The following WWC1 variants were observed in gnomAD, a reference collection of about 807,000 sequenced individuals.
WWC1 encodes the protein protein KIBRA.
WWC1 carries 55 observed loss-of-function variants against 138.4 expected under a neutral mutation model. That is an observed-to-expected ratio of 0.40 (90% CI 0.32 to 0.50). The LOEUF (loss-of-function observed/expected upper bound fraction) is 0.50. WWC1 is among the 20% of genes least tolerant of loss of function. The pLI is 0.72. For missense variants in WWC1, 1,226 were observed against 1,420.4 expected (o/e 0.86, Z 2.20); for synonymous variants, 524 against 564.9 (o/e 0.93, Z 1.03).
chr5:168,336,115 C>T (rs1773430980), intron 1 of WWC1, among the ~76,000 whole-genome samples: 1 of 152,216 alleles, frequency 6.6e-6, no homozygotes, highest in Non-Finnish European at 1.5e-5. Context: ...TAACCGCCCA[C>T]TTACTGCTGC....
chr5:168,362,904 G>T (rs1393870352), intron 1 of WWC1, among the ~76,000 whole-genome samples: 2 of 152,182 alleles, frequency 1.3e-5, no homozygotes, highest in Non-Finnish European at 2.9e-5. Flanking sequence ...AGGGTTTGGG[G>T]TGGAGGAACC....
intron 9 of WWC1, chr5:168,414,939 C>G (rs1239702891): frequency 4.5e-6 from 1 of 223,944 alleles, no homozygotes; most frequent in Non-Finnish European, 8.9e-6. Context: ...TATACTGTAA[C>G]CTGATCCAAG....
chr5:168,310,173 A>G (rs947017113), intron 1 of WWC1, among the ~76,000 whole-genome samples: 5 of 152,088 alleles, frequency 3.3e-5, no homozygotes, highest in African/African-American at 1.2e-4. Flanking sequence ...ACTTCATCCT[A>G]TTTTTAAGTG....
chr5:168,370,972 T>G (rs1294718384), intron 1 of WWC1, among the ~76,000 whole-genome samples: 1 of 152,134 alleles, frequency 6.6e-6, no homozygotes, highest in Non-Finnish European at 1.5e-5. Context: ...AAAGGGCAAG[T>G]GAGCATGACA....
chr5:168,337,279 C>T (rs1773560563), intron 1 of WWC1, among the ~76,000 whole-genome samples: 1 of 152,142 alleles, frequency 6.6e-6, no homozygotes. Flanking sequence ...CTGTGTGGTA[C>T]TTTTGCATGA....
chr5:168,334,818 G>A (rs1773322580), intron 1 of WWC1, among the ~76,000 whole-genome samples: 1 of 152,244 alleles, frequency 6.6e-6, no homozygotes, highest in African/African-American at 2.4e-5. Flanking sequence ...CAGCAGGGAG[G>A]CAGCTGAGGA....
intron 3 of WWC1, among the ~76,000 whole-genome samples, chr5:168,389,608 T>TGG (rs1561694461): frequency 2.6e-4 from 39 of 149,432 alleles, no homozygotes; most frequent in African/African-American, 7.8e-4. Flanking sequence ...TTTTTTTTTT[T>TGG]TTTTTTTTTT....
chr5:168,340,893 G>C (rs1561632517), intron 1 of WWC1, among the ~76,000 whole-genome samples: 1 of 152,222 alleles, frequency 6.6e-6, no homozygotes, highest in East Asian at 1.9e-4. Flanking sequence ...AGGACATTGA[G>C]GCACAGAAAG....
At chr5:168,293,788 A>C (rs1433635914) in intron 1 of WWC1, among the ~76,000 whole-genome samples, 1 of 152,174 alleles carries the variant, frequency 6.6e-6, no homozygotes, top group Admixed American at 6.5e-5. Context: ...ATAAGAGAAA[A>C]TTTGAAGCCC....
chr5:168,385,799 C>T (rs1352649414), intron 3 of WWC1, among the ~76,000 whole-genome samples: 1 of 152,198 alleles, frequency 6.6e-6, no homozygotes, highest in Non-Finnish European at 1.5e-5. Context: ...CTTAATGCTA[C>T]TGAACAATTC....
At chr5:168,346,364 G>A (rs1432832399) in intron 1 of WWC1, among the ~76,000 whole-genome samples, 1 of 152,152 alleles carries the variant, frequency 6.6e-6, no homozygotes, top group African/African-American at 2.4e-5. Context: ...AACAATGCCC[G>A]CAGAAAACAG....
intron 13 of WWC1, 66 bp from the exon 14 acceptor site, chr5:168,430,071 G>C: frequency 7.6e-7 from 1 of 1,318,886 alleles, no homozygotes; most frequent in Admixed American, 1.8e-5. Flanking sequence ...ACTTTTAATG[G>C]AGAGAAGGAA....
At chr5:168,297,626 CAAA>C (rs70976474) in intron 1 of WWC1, among the ~76,000 whole-genome samples, 13 of 54,758 alleles carry the variant, frequency 2.4e-4, no homozygotes, top group African/African-American at 6.6e-4. Flanking sequence ...AACTCCATCT[CAAA>C]AAAAAAAAAA....
At chr5:168,365,206 C>T (rs533644547) in intron 1 of WWC1, among the ~76,000 whole-genome samples, 154 of 152,240 alleles carry the variant, frequency 1.0e-3, no homozygotes, top group Middle Eastern at 3.4e-3. Flanking sequence ...GGGAACTATG[C>T]GTGTGAAACA....
At chr5:168,310,585 AG>A (rs1770984580) in intron 1 of WWC1, among the ~76,000 whole-genome samples, 1 of 152,142 alleles carries the variant, frequency 6.6e-6, no homozygotes. Context: ...CTGTAAATTC[AG>A]CACTTTGGGA....
At chr5:168,427,676 G>C (rs1469853246) in intron 11 of WWC1, among the ~76,000 whole-genome samples, 2 of 149,340 alleles carry the variant, frequency 1.3e-5, no homozygotes, top group East Asian at 4.0e-4. Flanking sequence ...AAAGTGTTGG[G>C]ATTACAGTCG....
At chr5:168,307,753 T>C (rs1018615663) in intron 1 of WWC1, among the ~76,000 whole-genome samples, 1 of 151,866 alleles carries the variant, frequency 6.6e-6, no homozygotes, top group Non-Finnish European at 1.5e-5. Flanking sequence ...TACAGGTGCC[T>C]GCCACCACAC....
At chr5:168,326,417 A>G (rs951193637) in intron 1 of WWC1, among the ~76,000 whole-genome samples, 14 of 151,884 alleles carry the variant, frequency 9.2e-5, no homozygotes, top group African/African-American at 2.9e-4. Context: ...GGGTTTCTCC[A>G]TGTTGGTCAG....
chr5:168,435,798 C>T (rs1318788895), intron 15 of WWC1, among the ~76,000 whole-genome samples: 1 of 152,098 alleles, frequency 6.6e-6, no homozygotes, highest in Non-Finnish European at 1.5e-5. Context: ...GAGGTGTTCC[C>T]TTCCTCTCTG....
Sources: allele counts gnomAD v4.1 joint callset (sites outside exome capture counted in the v4.1 genomes callset), GRCh38; gene constraint gnomAD v4.1.1; transcripts MANE v1.5; gene names NCBI Gene and HGNC (gene_info 2026-07-23, HGNC 2026-07-21).